DNAAF1: variants seen among roughly 807,000 people sequenced by gnomAD.
DNAAF1 encodes dynein axonemal assembly factor 1, also known as dynein assembly factor 1, axonemal.
A neutral mutation model predicts 71.1 loss-of-function variants in DNAAF1; 65 were observed. That is an observed-to-expected ratio of 0.91 (90% CI 0.75 to 1.12). The LOEUF is 1.12. Ranked by LOEUF, DNAAF1 falls within the 50% of genes most tolerant of loss-of-function variation. The probability of loss-of-function intolerance (pLI) is 0.00; values close to 1 mark genes in which losing one functional copy is unlikely to be tolerated. For synonymous variants in DNAAF1, 414 were observed against 354.6 expected, an observed-to-expected ratio of 1.17 and a Z score of -1.88; for missense variants, 1,178 against 899.8, an observed-to-expected ratio of 1.31 and a Z score of -3.96.
intron 5 of DNAAF1, among the ~76,000 whole-genome samples, chr16:84,156,502 C>T (rs925991748): frequency 1.3e-5 from 2 of 152,174 alleles, no homozygotes; most frequent in African/African-American, 4.8e-5. Flanking sequence ...TGCCTGCTTG[C>T]TTCTCCTTTT....
At position 84,169,340 on chromosome 16, in the gene DNAAF1, C is replaced by A. The variant is rs576362147; in HGVS notation, c.1031-519C>A. Among the ~76,000 whole-genome samples, 4 of 151,992 alleles carry A rather than the reference C, an allele frequency of 2.6e-5. No homozygotes were observed. The South Asian group carries it at 8.3e-4, about 32-fold the overall frequency. On this transcript the variant is annotated intron_variant, in intron 7 of 11. Transcript: ENST00000378553. ...ATGTCAAATGATCCACCTGCCTGGG[C>A]CTCCCAAAATGCTGGGATTACAAGC...
chr16:84,148,259 G>C (rs1377550767), intron 1 of DNAAF1, among the ~76,000 whole-genome samples: 2 of 151,862 alleles, frequency 1.3e-5, no homozygotes, highest in Non-Finnish European at 2.9e-5. Flanking sequence ...ATTTATATAT[G>C]GTATCCTGTG....
At position 84,145,609 on chromosome 16, in the gene DNAAF1, C is replaced by G. The variant is rs1453583542; in HGVS notation, c.124+45C>G. 2.6e-6 allele frequency: 4 copies of G among 1,536,492 alleles called. No homozygotes were observed. The Admixed American group carries it at 7.9e-5, about 30-fold the overall frequency. On this transcript the variant is annotated intron_variant, in intron 1 of 11. Coordinates refer to ENST00000378553, the MANE Select transcript of DNAAF1 (RefSeq NM_178452.6). ...GAGGGCGGTGGGCGAGGGGCAGACA[C>G]GGCTAGGCGCTCCAGCCCCCTTCCC... is the stretch of plus-strand genomic sequence containing the variant.
At chr16:84,148,932 T>C (rs1223334697) in intron 1 of DNAAF1, 75 bp from the exon 2 acceptor site, 1 of 1,559,986 alleles carries the variant, frequency 6.4e-7, no homozygotes, top group Non-Finnish European at 8.8e-7. Context: ...GGATGGTCAT[T>C]AACCAAGCTG....
chr16:84,154,538 G>C, intron 3 of DNAAF1, 39 bp from the exon 4 acceptor site: 1 of 1,588,648 alleles, frequency 6.3e-7, no homozygotes, highest in South Asian at 1.1e-5. Flanking sequence ...TCTGCCCTGG[G>C]AGTAGGAGCT....
intron 9 of DNAAF1, chr16:84,174,096 A>G: frequency 1.3e-6 from 1 of 761,968 alleles, no homozygotes; most frequent in Non-Finnish European, 1.6e-6. Flanking sequence ...AGGTTAGGCA[A>G]CTTGCCCAAA....
At position 84,177,710 on chromosome 16, in the gene DNAAF1, G is replaced by A; in HGVS notation, c.2066-19G>A. ...TCACAGTGACAGGGAGAAAGCACAGGTCACCCTTCCTTCCACAGTGCCGAC... is the reference window on the plus strand; with the variant it reads ...TCACAGTGACAGGGAGAAAGCACAGATCACCCTTCCTTCCACAGTGCCGAC... On this transcript the variant is annotated intron_variant, in intron 11 of 11. Transcript: ENST00000378553. The A allele has an allele frequency of 6.2e-7, 1 of 1,605,898 alleles. No homozygotes were observed. The highest frequency in any genetic ancestry group is 2.2e-5 in the East Asian group (1 of 44,836).
At chr16:84,155,114 T>C (rs930728515) in intron 4 of DNAAF1, among the ~76,000 whole-genome samples, 19 of 152,178 alleles carry the variant, frequency 1.2e-4, no homozygotes, top group Admixed American at 3.3e-4. Context: ...TTCACCGTGT[T>C]AGCCAGGATG....
Position 84,145,545 on chromosome 16 carries a change from C to T in DNAAF1, c.105C>T (p.Gly35=), listed in dbSNP as rs745355772. The T allele has an allele frequency of 1.3e-6, 2 of 1,550,020 alleles. No homozygotes were observed. Residue 35 remains glycine (G), a synonymous_variant, in exon 1 of 12, where the codon GGC becomes GGT. Coordinates refer to ENST00000378553, the MANE Select transcript of DNAAF1 (RefSeq NM_178452.6). ...EESAGDHGSA[G]RGGCKEEIND... ...CTGCGGGTGACCACGGGAGCGCAGG[C>T]CGAGGGGGCTGCAAGGAAGGTGCCG...
chr16:84,170,609 G>T (rs1303748137), intron 8 of DNAAF1, among the ~76,000 whole-genome samples: 1 of 152,092 alleles, frequency 6.6e-6, no homozygotes, highest in Non-Finnish European at 1.5e-5. Flanking sequence ...CAAGGCAGAA[G>T]GACTGATTGA....
chr16:84,175,845 G>C, intron 10 of DNAAF1, 88 bp from the exon 11 acceptor site: 1 of 1,494,044 alleles, frequency 6.7e-7, no homozygotes, highest in Non-Finnish European at 9.2e-7. Flanking sequence ...TGTGACATTG[G>C]GTGAAAAAGC....
In DNAAF1 at chr16:84,145,323, C is replaced by G. The variant is rs2086847483; in HGVS notation, c.-118C>G. The G allele has an allele frequency of 6.6e-7, 1 of 1,508,124 alleles. No individual in the cohort carries two copies. The highest frequency in any genetic ancestry group is 1.4e-5 in the African/African-American group (1 of 72,306). The allele number at this position is 1,508,124 out of a possible 1,614,324, so 93.4% of individuals were successfully genotyped here. A position where few individuals can be genotyped will look rare whatever the true frequency, so the allele number is the denominator to read the frequency against. Reference sequence around the variant, plus strand: ...GCGTTGGGCTGTAAAGACTAGGGCGCCAGCGGCTGGCGAAGAAGGAAAGAG... The same window carrying G: ...GCGTTGGGCTGTAAAGACTAGGGCGGCAGCGGCTGGCGAAGAAGGAAAGAG... On this transcript the variant is annotated 5_prime_UTR_variant, in exon 1 of 12. Transcript: ENST00000378553.
rs1026824102 is a variant in DNAAF1, at chr16:84,177,725, A to C, written c.2066-4A>C. On this transcript the variant is annotated splice_polypyrimidine_tract_variant and splice_region_variant and intron_variant, in intron 11 of 11. Transcript: ENST00000378553. Reference sequence around the variant, plus strand: ...GAAAGCACAGGTCACCCTTCCTTCCACAGTGCCGACTGAGAGCGCCGCCAC... The same window carrying C: ...GAAAGCACAGGTCACCCTTCCTTCCCCAGTGCCGACTGAGAGCGCCGCCAC... 2.5e-6 allele frequency: 4 copies of C among 1,612,848 alleles called. No individual in the cohort carries two copies. Among genetic ancestry groups the C allele is most frequent in the Non-Finnish European group, 3.4e-6 (4 of 1,179,288 alleles).
At chr16:84,150,703 T>G (rs952074270) in intron 3 of DNAAF1, among the ~76,000 whole-genome samples, 4 of 151,058 alleles carry the variant, frequency 2.6e-5, no homozygotes, top group African/African-American at 7.3e-5. Context: ...GCAACCTCTG[T>G]CTCCAGGTTC....
In DNAAF1 at chr16:84,166,443, C is replaced by A. The variant is rs548535436; in HGVS notation, c.1030+494C>A. On this transcript the variant is annotated intron_variant, in intron 7 of 11. Transcript: ENST00000378553. The stretch of plus-strand genomic sequence containing the variant: ...CCAGGCTAGAGTGCAGTGGCACAAT[C>A]TTGGCTCACTGCAACCTCTGCCTCA... Among the ~76,000 whole-genome samples the A allele has an allele frequency of 2.1e-5, 3 of 143,116 alleles. No individual in the cohort carries two copies. The East Asian group carries it at 6.2e-4, about 30-fold the overall frequency. The allele number at this position is 143,116 out of a possible 152,430, so 93.9% of individuals were successfully genotyped here.
chr16:84,177,919 C>T (rs977256027), downstream of DNAAF1: 23 of 1,218,470 alleles, frequency 1.9e-5, no homozygotes, highest in East Asian at 7.1e-5. Context: ...TTAACACCCA[C>T]GCGAGTCAGT....
At chr16:84,154,899 T>A in intron 4 of DNAAF1, 101 bp downstream of exon 4, 1 of 1,065,534 alleles carries the variant, frequency 9.4e-7, no homozygotes, top group Non-Finnish European at 1.4e-6. Context: ...AAGTGGTGTT[T>A]TTTTTTGTCT....
chr16:84,157,201 G>A (rs974085905), intron 5 of DNAAF1, among the ~76,000 whole-genome samples: 2 of 151,586 alleles, frequency 1.3e-5, no homozygotes, highest in African/African-American at 4.9e-5. Context: ...TTTAACTCTC[G>A]CTATCACTTT....
intron 8 of DNAAF1, among the ~76,000 whole-genome samples, chr16:84,171,065 T>G (rs1206876655): frequency 6.6e-6 from 1 of 152,116 alleles, no homozygotes; most frequent in Non-Finnish European, 1.5e-5. Flanking sequence ...AGGTAGGCCA[T>G]TCATCTCTGA....
Sources: allele counts gnomAD v4.1 joint callset (sites outside exome capture counted in the v4.1 genomes callset), GRCh38; gene constraint gnomAD v4.1.1; transcripts MANE v1.5; gene names NCBI Gene and HGNC (gene_info 2026-07-23, HGNC 2026-07-21).